Variants in KCNK10 observed in about 807,000 individuals in gnomAD.
KCNK10 encodes potassium two pore domain channel subfamily K member 10, also known as potassium channel subfamily K member 10.
In KCNK10, 25 loss-of-function variants were observed where a neutral mutation model predicts 47.7. The ratio of observed to expected loss-of-function variants is 0.52; its 90% CI spans 0.38 to 0.73. The LOEUF is 0.73. KCNK10 is among the 30% of genes least tolerant of loss of function. The pLI, the probability that KCNK10 is intolerant of heterozygous loss-of-function variation, is 0.00. For missense variants in KCNK10, 563 were observed against 714.5 expected (o/e 0.79, Z 2.42); for synonymous variants, 303 against 285.6 (o/e 1.06, Z -0.61).
chr14:88,265,982 G>C (rs566633594), intron 1 of KCNK10, among the ~76,000 whole-genome samples: 1 of 152,088 alleles, frequency 6.6e-6, no homozygotes, highest in Non-Finnish European at 1.5e-5. Flanking sequence ...ATTAGCAGCA[G>C]GAAAACAGAC....
chr14:88,326,015 G>A (rs879486210), upstream of KCNK10, among the ~76,000 whole-genome samples: 16 of 152,000 alleles, frequency 1.1e-4, no homozygotes, highest in African/African-American at 3.1e-4. Context: ...AGTGCTCCTG[G>A]TCTGCCTTGA....
chr14:88,242,886 T>C (rs1886521861), intron 2 of KCNK10, among the ~76,000 whole-genome samples: 1 of 152,214 alleles, frequency 6.6e-6, no homozygotes, highest in Non-Finnish European at 1.5e-5. Flanking sequence ...TTCAGTCACT[T>C]AGGTTGCCTC....
intron 1 of KCNK10, among the ~76,000 whole-genome samples, chr14:88,265,125 G>A (rs1429707227): frequency 6.6e-6 from 1 of 152,164 alleles, no homozygotes; most frequent in African/African-American, 2.4e-5. Context: ...TATCACTTCT[G>A]GGAGCACCTT....
chr14:88,324,418 T>A (rs1284947324), upstream of KCNK10, among the ~76,000 whole-genome samples: 1 of 152,216 alleles, frequency 6.6e-6, no homozygotes, highest in Non-Finnish European at 1.5e-5. Flanking sequence ...CAAGAAATAC[T>A]TGCTAAATGA....
chr14:88,260,920 C>T lies in KCNK10; in HGVS notation c.402+2282G>A, dbSNP rs1418204509. 2.0e-5 allele frequency among the ~76,000 whole-genome samples: 3 copies of T among 152,184 alleles called. No homozygotes were observed. In the East Asian group the frequency reaches 5.8e-4, roughly 29 times the overall value. Reference sequence around the variant, plus strand: ...AGGACACCAGTCTTAATGGCAGCATCAGAATAAGGACCTCCACGCTCTCTG... The same window carrying T: ...AGGACACCAGTCTTAATGGCAGCATTAGAATAAGGACCTCCACGCTCTCTG... On this transcript the variant is annotated intron_variant, in intron 2 of 6. Coordinates refer to ENST00000319231, the MANE Select transcript of KCNK10 (RefSeq NM_138317.3). This position sits in a 1 kb window ranked among gnomAD's most constrained non-coding sequence, Gnocchi z 4.5.
At chr14:88,314,280 G>A (rs1202078495) in intron 1 of KCNK10, among the ~76,000 whole-genome samples, 3 of 152,062 alleles carry the variant, frequency 2.0e-5, no homozygotes. Flanking sequence ...GCCCAAGAAA[G>A]ACCCATCACT....
At chr14:88,292,733 A>G (rs1887908370) in intron 1 of KCNK10, among the ~76,000 whole-genome samples, 1 of 152,092 alleles carries the variant, frequency 6.6e-6, no homozygotes, top group Non-Finnish European at 1.5e-5. Flanking sequence ...CACTTGTTCA[A>G]GTGACTCTTG....
At chr14:88,273,808 G>A (rs1168178153) in intron 1 of KCNK10, among the ~76,000 whole-genome samples, 1 of 152,050 alleles carries the variant, frequency 6.6e-6, no homozygotes, top group Non-Finnish European at 1.5e-5. Context: ...TCTGTCTCTT[G>A]CCCTAAGTTT....
chr14:88,250,283 G>A (rs973111098), intron 2 of KCNK10, among the ~76,000 whole-genome samples: 2 of 152,178 alleles, frequency 1.3e-5, no homozygotes, highest in African/African-American at 4.8e-5. Context: ...ATGACTCGGA[G>A]GCCTGTAGAC....
At chr14:88,216,174 C>G (rs1885613229) in intron 4 of KCNK10, among the ~76,000 whole-genome samples, 1 of 152,130 alleles carries the variant, frequency 6.6e-6, no homozygotes, top group Non-Finnish European at 1.5e-5. Context: ...ATCTGCAAAG[C>G]CCTCTTTAAG....
At chr14:88,271,875 C>T (rs1887413172) in intron 1 of KCNK10, among the ~76,000 whole-genome samples, 1 of 151,824 alleles carries the variant, frequency 6.6e-6, no homozygotes, top group South Asian at 2.1e-4. Flanking sequence ...TCGACAGTTT[C>T]CCCTGATTTT....
intron 1 of KCNK10, among the ~76,000 whole-genome samples, chr14:88,307,745 T>C (rs1888232961): frequency 6.6e-6 from 1 of 152,184 alleles, no homozygotes; most frequent in African/African-American, 2.4e-5. Context: ...AACAAGCAAG[T>C]GACTCAGGCT....
At chr14:88,261,837 G>A (rs560798504) in intron 2 of KCNK10, among the ~76,000 whole-genome samples, 8 of 151,642 alleles carry the variant, frequency 5.3e-5, no homozygotes, top group Non-Finnish European at 1.0e-4. Flanking sequence ...ATGAAATGCT[G>A]CCCTTGGATT....
chr14:88,259,537 G>A (rs1887051146), intron 2 of KCNK10, among the ~76,000 whole-genome samples: 2 of 152,102 alleles, frequency 1.3e-5, no homozygotes, highest in Non-Finnish European at 2.9e-5. Context: ...GCTCACTGCA[G>A]CCTTGACTTC....
chr14:88,195,453 G>T (rs550190231), intron 4 of KCNK10, among the ~76,000 whole-genome samples: 1 of 152,180 alleles, frequency 6.6e-6, no homozygotes, highest in African/African-American at 2.4e-5. Context: ...GACAGTCCCA[G>T]ATTTAATGCT....
chr14:88,192,011 A>G (rs1245157384), intron 5 of KCNK10, among the ~76,000 whole-genome samples: 1 of 152,200 alleles, frequency 6.6e-6, no homozygotes, highest in African/African-American at 2.4e-5. Flanking sequence ...CTGAGAAGGA[A>G]AGGGTTGGCT....
intron 3 of KCNK10, among the ~76,000 whole-genome samples, chr14:88,229,237 C>G (rs1464870414): frequency 1.3e-5 from 2 of 152,116 alleles, no homozygotes; most frequent in African/African-American, 4.8e-5. Flanking sequence ...GTGCTACACC[C>G]CCTTCCTCCA....
At chr14:88,259,657 A>G (rs1324854975) in intron 2 of KCNK10, among the ~76,000 whole-genome samples, 9 of 152,144 alleles carry the variant, frequency 5.9e-5, no homozygotes, top group African/African-American at 2.2e-4. Flanking sequence ...GGGTTTTGCC[A>G]TGTTGTCCAG....
At chr14:88,312,507 C>T (rs558734235) in intron 1 of KCNK10, among the ~76,000 whole-genome samples, 2 of 152,324 alleles carry the variant, frequency 1.3e-5, no homozygotes, top group East Asian at 1.9e-4. Context: ...CAGACACACA[C>T]CAGACACCCC....
Sources: allele counts gnomAD v4.1 joint callset (sites outside exome capture counted in the v4.1 genomes callset), GRCh38; gene constraint gnomAD v4.1.1; non-coding constraint Gnocchi (gnomAD v3.1); transcripts MANE v1.5; gene names NCBI Gene and HGNC (gene_info 2026-07-23, HGNC 2026-07-21).